CNPY1: variants seen among roughly 807,000 people sequenced by gnomAD.
CNPY1 encodes protein canopy homolog 1.
A neutral mutation model predicts 14.4 loss-of-function variants in CNPY1; 14 were observed. The ratio of observed to expected loss-of-function variants is 0.97; its 90% CI spans 0.64 to 1.52. CNPY1 has a LOEUF of 1.52. Ranked by LOEUF, CNPY1 falls within the 40% of genes most tolerant of loss-of-function variation. CNPY1 has a pLI of 0.00. For missense variants in CNPY1, 129 were observed against 131.5 expected (o/e 0.98, Z 0.09); for synonymous variants, 43 against 46.5 (o/e 0.92, Z 0.31).
chr7:155,509,948 C>T (rs1796482214), intron 2 of CNPY1, among the ~76,000 whole-genome samples: 1 of 152,184 alleles, frequency 6.6e-6, no homozygotes, highest in Admixed American at 6.5e-5. Flanking sequence ...ATGCGGCGTC[C>T]CCGCGGCTCC....
rs1331850311 is a variant in CNPY1, at chr7:155,508,987, G to A, written c.210C>T (p.Phe70=). ...EEDPVTKERT[F]KRFAPRKGDK... is the part of the protein sequence containing the mutation. ...CTCCTTTCCTAGGAGCGAATCTCTT[G>A]AAAGTTCTCTCCTTCGTCACAGGGT... Residue 70 remains phenylalanine (F), a synonymous_variant, in exon 3 of 5, where the codon TTC becomes TTT. Coordinates refer to ENST00000636446, the MANE Select transcript of CNPY1 (RefSeq NM_001393663.1). 3 of 1,613,804 alleles carry A rather than the reference G, an allele frequency of 1.9e-6. No homozygotes were observed. Among genetic ancestry groups the A allele is most frequent in the Non-Finnish European group, 2.5e-6 (3 of 1,179,778 alleles).
intron 2 of CNPY1, among the ~76,000 whole-genome samples, chr7:155,524,077 T>C (rs1223192547): frequency 1.3e-5 from 2 of 152,198 alleles, no homozygotes; most frequent in African/African-American, 4.8e-5. Flanking sequence ...CTTCTGGCCT[T>C]TGCCCCACGA....
chr7:155,521,201 C>G (rs1407376930), intron 2 of CNPY1, among the ~76,000 whole-genome samples: 2 of 152,150 alleles, frequency 1.3e-5, no homozygotes, highest in African/African-American at 2.4e-5. Flanking sequence ...GTGGAGCGAG[C>G]CTTCCAGGAA....
At position 155,502,869 on chromosome 7, in the gene CNPY1, G is replaced by A. The variant is rs1796162607; in HGVS notation, c.*199C>T. On this transcript the variant is annotated 3_prime_UTR_variant, in exon 5 of 5. Coordinates refer to ENST00000636446, the MANE Select transcript of CNPY1 (RefSeq NM_001393663.1). ...TAATTTAAGTTTCATGTACTCCTCAGCTTCACCTATAAAAAAACGCAGGGT... is the reference window on the plus strand; with the variant it reads ...TAATTTAAGTTTCATGTACTCCTCAACTTCACCTATAAAAAAACGCAGGGT... The A allele has an allele frequency of 1.9e-6, 1 of 537,166 alleles. No homozygotes were observed. Among genetic ancestry groups the A allele is most frequent in the African/African-American group, 1.9e-5 (1 of 52,878 alleles). 33.3% of individuals were successfully genotyped at this position (537,166 alleles called of 1,614,324 possible).
intron 2 of CNPY1, among the ~76,000 whole-genome samples, chr7:155,522,297 C>T (rs1010337245): frequency 2.0e-5 from 3 of 152,270 alleles, no homozygotes; most frequent in African/African-American, 7.2e-5. Flanking sequence ...CTGAGACACA[C>T]TTCAAAGTGG....
At chr7:155,516,738 C>T (rs1333653570) in intron 2 of CNPY1, among the ~76,000 whole-genome samples, 2 of 152,192 alleles carry the variant, frequency 1.3e-5, no homozygotes, top group Non-Finnish European at 2.9e-5. Flanking sequence ...GCCTCAGACC[C>T]AGTGTGCCAT....
chr7:155,507,088 T>A lies in CNPY1; in HGVS notation c.332A>T (p.Asp111Val). 1 of 1,607,778 alleles carries A rather than the reference T, an allele frequency of 6.2e-7. No individual in the cohort carries two copies. Among genetic ancestry groups the A allele is most frequent in the Non-Finnish European group, 8.5e-7 (1 of 1,174,770 alleles). ...ACETIIEEYEDEISSLIAQET... is the reference protein window; with the variant it reads ...ACETIIEEYEVEISSLIAQET... The stretch of plus-strand genomic sequence containing the variant: ...CTGGGCGATAAGTGAGGATATTTCA[T>A]CTTCATACTCTTCTATTATAGTTTC... The change falls in exon 4 of 5, where the codon GAT (aspartate) becomes GTT (valine). Residue 111 changes from aspartate to valine, a missense_variant. Transcript: ENST00000636446.
chr7:155,522,449 TG>T, intron 2 of CNPY1, among the ~76,000 whole-genome samples: 1 of 152,250 alleles, frequency 6.6e-6, no homozygotes, highest in Non-Finnish European at 1.5e-5. Flanking sequence ...GTGTCCCTGC[TG>T]GGGGCTTCCA....
chr7:155,508,207 G>A (rs1175682411), intron 3 of CNPY1, among the ~76,000 whole-genome samples: 1 of 152,174 alleles, frequency 6.6e-6, no homozygotes, highest in Non-Finnish European at 1.5e-5. Flanking sequence ...ATATTGCAAC[G>A]TATTTTGCCA....
intron 2 of CNPY1, among the ~76,000 whole-genome samples, chr7:155,537,912 T>C (rs947833073): frequency 6.6e-6 from 1 of 152,112 alleles, no homozygotes; most frequent in Non-Finnish European, 1.5e-5. Context: ...TAGAAAAAAT[T>C]TTAACAGATA....
chr7:155,522,139 G>A (rs73163388), intron 2 of CNPY1, among the ~76,000 whole-genome samples: 3,435 of 152,376 alleles, frequency 0.023, 70 homozygotes, highest in Non-Finnish European at 0.034. Context: ...CCCAGGCGCT[G>A]CATCTTCTAC....
intron 2 of CNPY1, among the ~76,000 whole-genome samples, chr7:155,529,552 G>A (rs965666613): frequency 3.3e-5 from 5 of 152,014 alleles, no homozygotes; most frequent in Admixed American, 3.3e-4. Flanking sequence ...GGCAACCCTC[G>A]GCATTCCTTG....
At chr7:155,513,502 A>G (rs1796564170) in intron 2 of CNPY1, among the ~76,000 whole-genome samples, 1 of 152,236 alleles carries the variant, frequency 6.6e-6, no homozygotes, top group Admixed American at 6.5e-5. Flanking sequence ...GTTGCCTGCT[A>G]TAATTAAAGT....
intron 2 of CNPY1, among the ~76,000 whole-genome samples, chr7:155,522,169 A>C (rs1796738774): frequency 6.6e-6 from 1 of 152,236 alleles, no homozygotes; most frequent in Non-Finnish European, 1.5e-5. Context: ...TTGACTGAGG[A>C]TGCCTTCTGG....
chr7:155,522,554 G>T (rs1796745978), intron 2 of CNPY1, among the ~76,000 whole-genome samples: 1 of 152,238 alleles, frequency 6.6e-6, no homozygotes, highest in Non-Finnish European at 1.5e-5. Flanking sequence ...CTTGCTCAGG[G>T]TCACAAAACC....
intron 2 of CNPY1, among the ~76,000 whole-genome samples, chr7:155,540,265 C>T (rs1479350190): frequency 6.6e-6 from 1 of 152,196 alleles, no homozygotes; most frequent in Admixed American, 6.5e-5. Flanking sequence ...GAAGGACTTC[C>T]AATGTCCTTT....
chr7:155,530,257 G>C lies in CNPY1; in HGVS notation c.99+15574C>G, dbSNP rs997259771. ...TCAGAGGTCCACAACTGGCAGCAAAGGTTTTTAAATGGAAATAAACACACA... is the reference window on the plus strand; with the variant it reads ...TCAGAGGTCCACAACTGGCAGCAAACGTTTTTAAATGGAAATAAACACACA... On this transcript the variant is annotated intron_variant, in intron 2 of 4. Coordinates refer to ENST00000636446, the MANE Select transcript of CNPY1 (RefSeq NM_001393663.1). 2.1e-5 allele frequency among the ~76,000 whole-genome samples: 3 copies of C among 145,968 alleles called. No individual in the cohort carries two copies. The Admixed American group carries it at 2.1e-4, about 10-fold the overall frequency.
At chr7:155,510,267 C>A (rs1315959487) in intron 2 of CNPY1, 1 of 152,176 alleles carries the variant, frequency 6.6e-6, no homozygotes, top group African/African-American at 2.4e-5. Flanking sequence ...TCATCAGCGG[C>A]GCGGCGGCGT....
chr7:155,517,436 T>G (rs1461869419), intron 2 of CNPY1, among the ~76,000 whole-genome samples: 1 of 152,198 alleles, frequency 6.6e-6, no homozygotes, highest in Non-Finnish European at 1.5e-5. Flanking sequence ...GTTATACAGC[T>G]GCAGCTGTAT....
Sources: allele counts gnomAD v4.1 joint callset (sites outside exome capture counted in the v4.1 genomes callset), GRCh38; gene constraint gnomAD v4.1.1; transcripts MANE v1.5; gene names NCBI Gene and HGNC (gene_info 2026-07-23, HGNC 2026-07-21).